Variants in CILK1 observed in about 807,000 individuals in gnomAD.
CILK1 encodes ciliogenesis associated kinase 1.
Under a neutral mutation model 79.2 loss-of-function variants are expected in CILK1, and 47 were observed. The observed-to-expected ratio is 0.59, with a 90% CI of 0.47 to 0.76. CILK1 has a LOEUF of 0.76. Ranked by LOEUF, CILK1 falls within the 30% of genes least tolerant of loss-of-function variation. The probability of loss-of-function intolerance (pLI) is 0.00; values close to 1 mark genes in which losing one functional copy is unlikely to be tolerated. For missense variants in CILK1, 660 were observed against 769.5 expected (o/e 0.86, Z 1.68); for synonymous variants, 266 against 275.9 (o/e 0.96, Z 0.36).
At chr6:53,060,567 A>C (rs987173064) in intron 1 of CILK1, among the ~76,000 whole-genome samples, 6 of 152,220 alleles carry the variant, frequency 3.9e-5, no homozygotes, top group Admixed American at 3.3e-4. Context: ...ATCTACTTCT[A>C]GTGTTTTACA....
rs112268064 is a variant in CILK1, at chr6:53,035,168, C to T, written c.157-2514G>A. Among the ~76,000 whole-genome samples the T allele has an allele frequency of 1.9e-3, 290 of 151,980 alleles. 2 individuals carry two copies. The highest frequency in any genetic ancestry group is 6.6e-3 in the African/African-American group (275 of 41,442). On this transcript the variant is annotated intron_variant, in intron 3 of 13. Coordinates refer to ENST00000676107, the MANE Select transcript of CILK1 (RefSeq NM_014920.5). ...CTTGATGAGGTTGAAAAGTAAATGG[C>T]GTGTGGGAAAGCTGCACTGAAGAAA...
intron 1 of CILK1, among the ~76,000 whole-genome samples, chr6:53,048,537 T>C (rs2127461642): frequency 6.6e-6 from 1 of 152,358 alleles, no homozygotes; most frequent in South Asian, 2.1e-4. Flanking sequence ...CATTTGAGAA[T>C]GGTATTGTTC....
In CILK1 at chr6:53,012,000, G is replaced by T. The variant is rs150108327; in HGVS notation, c.1343+37C>A. ...TGTACCCATAATCTCATGAATTCCA[G>T]ATTCAGTCTGTTTACAAATGTGAGC... On this transcript the variant is annotated intron_variant, in intron 10 of 13. Transcript: ENST00000676107. 1,252 of 1,613,700 alleles carry T rather than the reference G, an allele frequency of 7.8e-4. 15 individuals carry two copies. The South Asian group carries it at 9.0e-3, about 12-fold the overall frequency.
At position 53,016,183 on chromosome 6, in the gene CILK1, T is replaced by C. The variant is rs780636009; in HGVS notation, c.731A>G (p.Asn244Ser). The C allele has an allele frequency of 1.9e-6, 3 of 1,613,964 alleles. No homozygotes were observed. The highest frequency in any genetic ancestry group is 1.6e-4 in the Middle Eastern group (1 of 6,082). Reference protein sequence around the residue: ...MNFRWPQCVPNNLKTLIPNAS... With the variant: ...MNFRWPQCVPSNLKTLIPNAS... ...ATTGGGAATCAAGGTCTTTAAGTTA[T>C]TGGGTACACACTGTGGCCAACGGAA... is the stretch of plus-strand genomic sequence containing the variant. Residue 244 changes from asparagine (N) to serine (S), a missense_variant, in exon 8 of 14, where the codon AAT (asparagine) becomes AGT (serine). By Grantham distance (46) the Asn-to-Ser change is conservative. Transcript: ENST00000676107.
intron 8 of CILK1, 80 bp from the exon 9 acceptor site, chr6:53,014,062 T>C: frequency 5.4e-6 from 6 of 1,112,360 alleles, no homozygotes; most frequent in South Asian, 2.6e-5. Flanking sequence ...CTATATTTCA[T>C]TGTGACCAGT....
At chr6:53,017,404 G>A (rs543104341) in intron 7 of CILK1, among the ~76,000 whole-genome samples, 5 of 152,180 alleles carry the variant, frequency 3.3e-5, no homozygotes, top group Admixed American at 6.5e-5. Flanking sequence ...GATTACTGAC[G>A]GCCATGTGAC....
chr6:53,005,325 G>T (rs201487083), intron 13 of CILK1, 22 bp from the exon 14 acceptor site: 2 of 1,613,702 alleles, frequency 1.2e-6, no homozygotes, highest in Admixed American at 3.3e-5. Flanking sequence ...GAAAAAGGCC[G>T]GCATGACTGA....
Position 53,041,386 on chromosome 6 carries a change from ATTTCC to A in CILK1, c.-155_-151del. 1.5e-6 allele frequency: 1 copy of A among 652,248 alleles called. No homozygotes were observed. The highest frequency in any genetic ancestry group is 2.3e-5 in the Admixed American group (1 of 43,376). 40.4% of individuals were successfully genotyped at this position (652,248 alleles called of 1,614,324 possible). ...GGACGTGACTGTCTCCCAAATACAT[ATTTCC>A]AAAAATCAGTCTTCTGCCTGCAGAG... On this transcript the variant is annotated 5_prime_UTR_variant, in exon 2 of 14. Transcript: ENST00000676107.
At chr6:53,056,867 A>G (rs1434150443) in intron 1 of CILK1, among the ~76,000 whole-genome samples, 1 of 152,180 alleles carries the variant, frequency 6.6e-6, no homozygotes, top group Admixed American at 6.5e-5. Flanking sequence ...GTCACGCCCC[A>G]CTTCTTTGCA....
rs151237769 is a variant in CILK1 at position 53,016,129 on chromosome 6, C to T, written c.785G>A (p.Arg262Lys). The change falls in exon 8 of 14, where the codon AGA becomes AAA. Residue 262 changes from arginine (R) to lysine (K), a missense_variant. Physicochemically the swap from Arg to Lys is conservative, Grantham distance 26 (BLOSUM62 2). Transcript: ENST00000676107. ...CTTGGGATCCCACTGAAGCATGTCTCTCAGGAGCTGGACTGCTTCACTGCT... is the reference window on the plus strand; with the variant it reads ...CTTGGGATCCCACTGAAGCATGTCTTTCAGGAGCTGGACTGCTTCACTGCT... ...NASSEAVQLL[R>K]DMLQWDPKKR... is the part of the protein sequence containing the mutation. 7.9e-5 allele frequency: 128 copies of T among 1,613,998 alleles called. No individual in the cohort carries two copies. Among genetic ancestry groups the T allele is most frequent in the Non-Finnish European group, 1.1e-4 (127 of 1,179,966 alleles).
chr6:53,044,162 C>A (rs1766900247), intron 1 of CILK1, among the ~76,000 whole-genome samples: 1 of 152,124 alleles, frequency 6.6e-6, no homozygotes, highest in Admixed American at 6.5e-5. Flanking sequence ...GGCTGTAAAC[C>A]AGTCTGTGGC....
Position 53,056,866 on chromosome 6 carries a change from C to T in CILK1, c.-173+4730G>A, listed in dbSNP as rs148632469. Among the ~76,000 whole-genome samples, 1,429 of 152,314 alleles carry T rather than the reference C, an allele frequency of 9.4e-3. 16 individuals are homozygous for T. Among genetic ancestry groups the T allele is most frequent in the Middle Eastern group, 0.041 (12 of 294 alleles). On this transcript the variant is annotated intron_variant, in intron 1 of 13. Coordinates refer to ENST00000676107, the MANE Select transcript of CILK1 (RefSeq NM_014920.5). ...CCCTCACTGTCATCCCGTCACGCCC[C>T]ACTTCTTTGCAAACTGGACAACTGT...
rs9463854 is a variant in CILK1 at position 53,019,631 on chromosome 6, T to C, written c.359-272A>G. Among the ~76,000 whole-genome samples, 1,010 of 152,250 alleles carry C rather than the reference T, an allele frequency of 6.6e-3. 17 individuals carry two copies. Among genetic ancestry groups the C allele is most frequent in the African/African-American group, 0.023 (953 of 41,532 alleles). On this transcript the variant is annotated intron_variant, in intron 5 of 13. Coordinates refer to ENST00000676107, the MANE Select transcript of CILK1 (RefSeq NM_014920.5). Reference sequence around the variant, plus strand: ...TTTCTTTTAAAATATCAAACTGGATTATAGGCTGAGATAACTTTGCAAAAA... The same window carrying C: ...TTTCTTTTAAAATATCAAACTGGATCATAGGCTGAGATAACTTTGCAAAAA...
At chr6:53,019,116 ACT>A in intron 6 of CILK1, 109 bp downstream of exon 6, 1 of 994,412 alleles carries the variant, frequency 1.0e-6, no homozygotes, top group Admixed American at 2.0e-5. Context: ...TTCAGACTGC[ACT>A]GTTTCTCTTA....
intron 1 of CILK1, among the ~76,000 whole-genome samples, chr6:53,045,447 G>A (rs58957831): frequency 0.048 from 7,372 of 152,052 alleles, 442 homozygotes; most frequent in African/African-American, 0.14. Context: ...ATCGTATTTC[G>A]AGCACCCATA....
chr6:53,055,506 T>G (rs1329574702), intron 1 of CILK1, among the ~76,000 whole-genome samples: 2 of 152,226 alleles, frequency 1.3e-5, no homozygotes, highest in Non-Finnish European at 2.9e-5. Flanking sequence ...TGCTTTGTCT[T>G]TACCTTGACA....
chr6:53,006,302 A>G lies in CILK1; in HGVS notation c.1744+13T>C. 2 of 1,612,670 alleles carry G rather than the reference A, an allele frequency of 1.2e-6. No individual in the cohort carries two copies. Among genetic ancestry groups the G allele is most frequent in the Non-Finnish European group, 1.7e-6 (2 of 1,178,868 alleles). On this transcript the variant is annotated intron_variant, in intron 13 of 13. Coordinates refer to ENST00000676107, the MANE Select transcript of CILK1 (RefSeq NM_014920.5). The stretch of plus-strand genomic sequence containing the variant: ...GTTGAGTAAATTCATGAATAATTTA[A>G]AATACAACTCACCAGGGGAAGGGTC...
At position 53,006,377 on chromosome 6, in the gene CILK1, T is replaced by A; in HGVS notation, c.1682A>T (p.Lys561Ile). The change falls in exon 13 of 14, where the codon AAA becomes ATA. Residue 561 changes from lysine to isoleucine, a missense_variant. Physicochemically the swap from Lys to Ile is moderately radical, Grantham distance 102 (BLOSUM62 -3). Coordinates refer to ENST00000676107, the MANE Select transcript of CILK1 (RefSeq NM_014920.5). ...LTGNYVPSFL[K>I]KEIGSAMQRV... ...CTGCATAGCAGAACCGATTTCTTTT[T>A]TCAGAAAGGAAGGGACATAGTTTCC... 1 of 1,614,040 alleles carries A rather than the reference T, an allele frequency of 6.2e-7. No homozygotes were observed. Among genetic ancestry groups the A allele is most frequent in the Non-Finnish European group, 8.5e-7 (1 of 1,179,926 alleles).
chr6:53,022,809 T>C (rs1008708800), intron 5 of CILK1, among the ~76,000 whole-genome samples: 4 of 152,218 alleles, frequency 2.6e-5, no homozygotes, highest in African/African-American at 9.6e-5. Flanking sequence ...ATCTGCTCCA[T>C]GCCAGGCAAC....
Sources: allele counts gnomAD v4.1 joint callset (sites outside exome capture counted in the v4.1 genomes callset), GRCh38; gene constraint gnomAD v4.1.1; transcripts MANE v1.5; gene names NCBI Gene and HGNC (gene_info 2026-07-23, HGNC 2026-07-21).